BCAR3: variants seen among roughly 807,000 people sequenced by gnomAD.
BCAR3 encodes the protein breast cancer anti-estrogen resistance protein 3.
BCAR3 carries 37 observed loss-of-function variants against 80.1 expected under a neutral mutation model. That is an observed-to-expected ratio of 0.46 (90% CI 0.36 to 0.61). BCAR3 has a LOEUF of 0.61. Ranked by LOEUF, BCAR3 falls within the 20% of genes least tolerant of loss-of-function variation. BCAR3 has a pLI of 0.00. For missense variants in BCAR3, 978 were observed against 1,068.2 expected, an observed-to-expected ratio of 0.92 and a Z score of 1.18; for synonymous variants, 389 against 418.9, an observed-to-expected ratio of 0.93 and a Z score of 0.87.
intron 2 of BCAR3, among the ~76,000 whole-genome samples, chr1:93,743,141 A>AT (rs1651236688): frequency 6.6e-6 from 1 of 152,222 alleles, no homozygotes; most frequent in Non-Finnish European, 1.5e-5. Context: ...ACAGTGCCAA[A>AT]GTGAATACAG....
At chr1:93,714,923 A>AT (rs879803498) in intron 2 of BCAR3, among the ~76,000 whole-genome samples, 2 of 152,100 alleles carry the variant, frequency 1.3e-5, no homozygotes, top group African/African-American at 2.4e-5. Flanking sequence ...CAGGAAAAGC[A>AT]TTTTTTTTGA....
intron 2 of BCAR3, among the ~76,000 whole-genome samples, chr1:93,813,581 C>T (rs1488425066): frequency 6.6e-6 from 1 of 152,146 alleles, no homozygotes; most frequent in Non-Finnish European, 1.5e-5. Flanking sequence ...CATTGTGCTC[C>T]ATTTCTTTTG....
At chr1:93,777,075 A>T (rs1652575818) in intron 2 of BCAR3, among the ~76,000 whole-genome samples, 1 of 152,162 alleles carries the variant, frequency 6.6e-6, no homozygotes, top group Non-Finnish European at 1.5e-5. Flanking sequence ...GAGGCAGAGA[A>T]GGGAGTGATG....
At chr1:93,685,116 G>C (rs1215769272), upstream of BCAR3, among the ~76,000 whole-genome samples, 1 of 152,204 alleles carries the variant, frequency 6.6e-6, no homozygotes, top group Non-Finnish European at 1.5e-5. Context: ...GCACATGGTA[G>C]ATGCTCAATA....
intron 2 of BCAR3, among the ~76,000 whole-genome samples, chr1:93,761,396 C>T (rs923318719): frequency 6.6e-6 from 1 of 152,184 alleles, no homozygotes; most frequent in African/African-American, 2.4e-5. Context: ...AATTCACCCA[C>T]CCCTTCCCCA....
intron 2 of BCAR3, among the ~76,000 whole-genome samples, chr1:93,817,081 C>A (rs1654047887): frequency 6.6e-6 from 1 of 152,230 alleles, no homozygotes; most frequent in Admixed American, 6.5e-5. Context: ...CCATCTGTTT[C>A]CCTGATCCCC....
At chr1:93,672,195 A>G (rs1352596011) in intron 2 of BCAR3, among the ~76,000 whole-genome samples, 2 of 152,168 alleles carry the variant, frequency 1.3e-5, no homozygotes, top group African/African-American at 4.8e-5. Flanking sequence ...TTACAGAAAT[A>G]TGACCTCTGT....
intron 3 of BCAR3, among the ~76,000 whole-genome samples, chr1:93,610,988 G>A (rs548186225): frequency 1.8e-4 from 27 of 152,036 alleles, no homozygotes; most frequent in Middle Eastern, 6.8e-3. Flanking sequence ...AGTTCCCCAC[G>A]AAATGATTCT....
intron 2 of BCAR3, among the ~76,000 whole-genome samples, chr1:93,660,778 G>T (rs948429322): frequency 6.6e-6 from 1 of 152,258 alleles, no homozygotes; most frequent in Non-Finnish European, 1.5e-5. Context: ...GCAATGGCAC[G>T]ATCTTGACTT....
chr1:93,705,967 C>T (rs1434964962), intron 3 of BCAR3: 1 of 152,234 alleles, frequency 6.6e-6, no homozygotes, highest in African/African-American at 2.4e-5. Flanking sequence ...AGAGGATTCT[C>T]ATACACTCCA....
intron 2 of BCAR3, among the ~76,000 whole-genome samples, chr1:93,736,718 C>G (rs1650982983): frequency 6.6e-6 from 1 of 152,064 alleles, no homozygotes. Context: ...GGCCTCGTCA[C>G]TGGATTTTGA....
Position 93,586,893 on chromosome 1 carries a change from G to A in BCAR3, c.929+2084C>T, listed in dbSNP as rs768212188. 2.6e-5 allele frequency among the ~76,000 whole-genome samples: 4 copies of A among 152,156 alleles called. No individual in the cohort carries two copies. Among genetic ancestry groups the A allele is most frequent in the Admixed American group, 6.5e-5 (1 of 15,286 alleles). On this transcript the variant is annotated intron_variant, in intron 5 of 11. Transcript: ENST00000260502. The surrounding 1 kb of genome is among the most constrained non-coding windows in gnomAD (Gnocchi z 4.2). ...GGGTTCAAGCAATTCTCCTGCCTTA[G>A]CCTCCCTAGTAGCTGGGACTACAGG...
chr1:93,630,019 GAAC>G (rs1291199433), intron 3 of BCAR3, among the ~76,000 whole-genome samples: 1 of 152,152 alleles, frequency 6.6e-6, no homozygotes, highest in Non-Finnish European at 1.5e-5. Context: ...AAAATTTTTA[GAAC>G]AACCTCATTC....
At chr1:93,734,116 C>G (rs1325077769) in intron 2 of BCAR3, among the ~76,000 whole-genome samples, 1 of 152,214 alleles carries the variant, frequency 6.6e-6, no homozygotes, top group Non-Finnish European at 1.5e-5. Context: ...ATGGCCTCTT[C>G]AGATGGAGTT....
intron 2 of BCAR3, among the ~76,000 whole-genome samples, chr1:93,764,251 G>C (rs1172916577): frequency 6.6e-6 from 1 of 151,856 alleles, no homozygotes; most frequent in African/African-American, 2.4e-5. Context: ...CTTCCAGGGG[G>C]CCCATCTCTT....
At chr1:93,679,487 C>A (rs565824356) in intron 1 of BCAR3, among the ~76,000 whole-genome samples, 3 of 152,342 alleles carry the variant, frequency 2.0e-5, no homozygotes, top group Admixed American at 6.5e-5. Flanking sequence ...AGCCTACATG[C>A]AGTCTTTAGA....
intron 3 of BCAR3, among the ~76,000 whole-genome samples, chr1:93,614,347 C>T (rs1020816940): frequency 1.5e-4 from 23 of 152,122 alleles, no homozygotes; most frequent in Non-Finnish European, 2.9e-4. Flanking sequence ...CTGTACCATG[C>T]GACCTGCTCC....
At chr1:93,564,941 T>C (rs1672882081) in intron 11 of BCAR3, among the ~76,000 whole-genome samples, 2 of 152,220 alleles carry the variant, frequency 1.3e-5, no homozygotes, top group African/African-American at 4.8e-5. Context: ...GTCATGTGGT[T>C]CTCATCCTTT....
chr1:93,567,565 C>T (rs757007629), intron 10 of BCAR3, 74 bp from the exon 11 acceptor site: 1 of 1,530,534 alleles, frequency 6.5e-7, no homozygotes, highest in Non-Finnish European at 8.9e-7. Flanking sequence ...TGACTCATAG[C>T]CCTTGTCTTG....
Sources: allele counts gnomAD v4.1 joint callset (sites outside exome capture counted in the v4.1 genomes callset), GRCh38; gene constraint gnomAD v4.1.1; non-coding constraint Gnocchi (gnomAD v3.1); transcripts MANE v1.5; gene names NCBI Gene and HGNC (gene_info 2026-07-23, HGNC 2026-07-21).